Variants in SLIT2 observed in about 807,000 individuals in gnomAD.
SLIT2 encodes slit guidance ligand 2, also known as slit homolog 2 protein.
Under a neutral mutation model 185.7 loss-of-function variants are expected in SLIT2, and 41 were observed. The observed-to-expected ratio is 0.22, with a 90% confidence interval of 0.17 to 0.29. SLIT2 has a LOEUF of 0.29. SLIT2 is among the 10% of genes least tolerant of loss of function. The pLI is 1.00. For synonymous variants in SLIT2, 693 were observed against 680.2 expected (o/e 1.02, Z -0.29); for missense variants, 1,571 against 1,909.0 (o/e 0.82, Z 3.30).
intron 17 of SLIT2, among the ~76,000 whole-genome samples, chr4:20,533,163 C>T (rs1192657154): frequency 6.6e-6 from 1 of 152,188 alleles, no homozygotes; most frequent in African/African-American, 2.4e-5. Context: ...ATATATAAAA[C>T]ACTAACACAT....
At chr4:20,312,360 A>T (rs1718185033) in intron 4 of SLIT2, among the ~76,000 whole-genome samples, 1 of 152,230 alleles carries the variant, frequency 6.6e-6, no homozygotes, top group South Asian at 2.1e-4. Flanking sequence ...TGAAATACTG[A>T]GAACAGATTA....
intron 4 of SLIT2, among the ~76,000 whole-genome samples, chr4:20,463,091 G>C (rs1168170531): frequency 6.6e-6 from 1 of 152,016 alleles, no homozygotes; most frequent in Non-Finnish European, 1.5e-5. Flanking sequence ...CAAGCACAAT[G>C]ATGGTAAGCA....
At chr4:20,466,119 T>C (rs772677946) in intron 4 of SLIT2, among the ~76,000 whole-genome samples, 1 of 152,208 alleles carries the variant, frequency 6.6e-6, no homozygotes, top group Non-Finnish European at 1.5e-5. Flanking sequence ...TCCTCATTTC[T>C]TATTACTTTC....
intron 23 of SLIT2, among the ~76,000 whole-genome samples, 194 bp from the exon 24 acceptor site, chr4:20,548,863 G>A (rs1723486835): frequency 1.3e-5 from 2 of 152,106 alleles, no homozygotes; most frequent in South Asian, 2.1e-4. Context: ...TAGGCAGCGG[G>A]AAGCATTCTA....
chr4:20,311,510 A>G (rs1718104902), intron 4 of SLIT2, among the ~76,000 whole-genome samples: 1 of 152,196 alleles, frequency 6.6e-6, no homozygotes. Context: ...TTTATTTAAT[A>G]TAGATTGTTA....
rs1422223481 is a variant in SLIT2, at chr4:20,523,910, A to G, written c.1274+7A>G. The G allele has an allele frequency of 6.2e-7, 1 of 1,614,002 alleles. No individual in the cohort carries two copies. Among genetic ancestry groups the G allele is most frequent in the Non-Finnish European group, 8.5e-7 (1 of 1,179,916 alleles). On this transcript the variant is annotated splice_region_variant and intron_variant, in intron 13 of 36. Transcript: ENST00000504154. ...TTCGGGCCATTCAAACTATGTATGT[A>G]TAAGTGATTTGGATCACTTTTGATG...
intron 26 of SLIT2, among the ~76,000 whole-genome samples, chr4:20,556,955 C>A (rs1050788680): frequency 6.6e-6 from 1 of 151,906 alleles, no homozygotes; most frequent in Non-Finnish European, 1.5e-5. Flanking sequence ...AATGGAAGAC[C>A]AAACCAGCCA....
At chr4:20,607,822 A>T (rs1373559483) in intron 33 of SLIT2, among the ~76,000 whole-genome samples, 1 of 152,134 alleles carries the variant, frequency 6.6e-6, no homozygotes, top group Non-Finnish European at 1.5e-5. Context: ...ATTAAGGTTG[A>T]TGTTGATAGG....
chr4:20,477,640 C>T (rs1363228918), intron 5 of SLIT2, among the ~76,000 whole-genome samples: 2 of 152,138 alleles, frequency 1.3e-5, no homozygotes, highest in Non-Finnish European at 2.9e-5. Context: ...AGATTGGAGT[C>T]AGCAAATAAG....
chr4:20,544,886 T>C (rs1219138280), intron 21 of SLIT2, among the ~76,000 whole-genome samples: 1 of 152,030 alleles, frequency 6.6e-6, no homozygotes, highest in African/African-American at 2.4e-5. Context: ...CCTCTAGTGG[T>C]ATCAAGAAAA....
chr4:20,455,341 T>A (rs140314153), intron 4 of SLIT2, among the ~76,000 whole-genome samples: 62 of 152,186 alleles, frequency 4.1e-4, no homozygotes, highest in African/African-American at 1.3e-3. Flanking sequence ...CTAAGAGAAG[T>A]GTGGTATCTA....
intron 4 of SLIT2, among the ~76,000 whole-genome samples, chr4:20,419,825 G>A (rs956757244): frequency 3.9e-5 from 6 of 152,044 alleles, no homozygotes; most frequent in Non-Finnish European, 5.9e-5. Flanking sequence ...CGATGATGGT[G>A]TGTTTTGTAA....
chr4:20,322,535 T>G (rs1236945774), intron 4 of SLIT2, among the ~76,000 whole-genome samples: 1 of 152,174 alleles, frequency 6.6e-6, no homozygotes, highest in Non-Finnish European at 1.5e-5. Flanking sequence ...TTTTTCATAA[T>G]TTTGAGTTTT....
intron 4 of SLIT2, among the ~76,000 whole-genome samples, chr4:20,435,051 A>T (rs1729256196): frequency 6.6e-6 from 1 of 152,230 alleles, no homozygotes; most frequent in Admixed American, 6.5e-5. Context: ...TGGACATTTA[A>T]CTTGTTTTAT....
chr4:20,533,490 T>C, intron 17 of SLIT2, 82 bp from the exon 18 acceptor site: 7 of 1,081,086 alleles, frequency 6.5e-6, no homozygotes, highest in South Asian at 1.5e-5. Flanking sequence ...CTTGGATCAT[T>C]AGAAGAAAAT....
At chr4:20,431,699 A>G (rs1480237634) in intron 4 of SLIT2, among the ~76,000 whole-genome samples, 1 of 152,224 alleles carries the variant, frequency 6.6e-6, no homozygotes, top group Non-Finnish European at 1.5e-5. Flanking sequence ...AAAAGAAGTT[A>G]AGACTGGAAG....
At chr4:20,601,220 A>G (rs1728387005) in intron 33 of SLIT2, among the ~76,000 whole-genome samples, 1 of 152,250 alleles carries the variant, frequency 6.6e-6, no homozygotes, top group Non-Finnish European at 1.5e-5. Flanking sequence ...TTCTAGAGAT[A>G]GTCTGGCTTG....
At chr4:20,541,699 T>C in intron 20 of SLIT2, 80 bp downstream of exon 20, 3 of 1,243,772 alleles carry the variant, frequency 2.4e-6, no homozygotes. Context: ...ATCTACAGCA[T>C]AGTTCAGCTC....
intron 33 of SLIT2, among the ~76,000 whole-genome samples, chr4:20,607,650 T>C (rs551093383): frequency 6.6e-6 from 1 of 152,308 alleles, no homozygotes; most frequent in Non-Finnish European, 1.5e-5. Flanking sequence ...TAAAGTGTGT[T>C]AACTTAAACC....
Sources: gnomAD v4.1 joint callset for allele counts (sites outside exome capture counted in the v4.1 genomes callset) on GRCh38, gnomAD v4.1.1 for gene constraint, MANE v1.5 for transcripts, NCBI Gene and HGNC (gene_info 2026-07-23, HGNC 2026-07-21) for gene names.